ERAP2: variants seen among roughly 807,000 people sequenced by gnomAD.
ERAP2 encodes endoplasmic reticulum aminopeptidase 2, also known as leukocyte-derived arginine aminopeptidase.
A neutral mutation model predicts 111.1 loss-of-function variants in ERAP2; 118 were observed. The ratio of observed to expected loss-of-function variants is 1.06; its 90% CI spans 0.92 to 1.24. The LOEUF is 1.24. Among genes scored for constraint, ERAP2 ranks in the 50% most tolerant of loss-of-function variants. The pLI, the probability that ERAP2 is intolerant of heterozygous loss-of-function variation, is 0.00. For synonymous variants in ERAP2, 410 were observed against 401.2 expected (o/e 1.02, Z -0.26); for missense variants, 1,131 against 1,125.8 (o/e 1.00, Z -0.07).
In ERAP2 at chr5:96,912,203, A is replaced by G. The variant is rs1581908554; in HGVS notation, c.2355-434A>G. Among the ~76,000 whole-genome samples the G allele has an allele frequency of 2.8e-5, 4 of 140,946 alleles. 1 individual carries two copies. The South Asian group carries it at 9.0e-4, about 32-fold the overall frequency. 92.5% of individuals were successfully genotyped at this position (140,946 alleles called of 152,430 possible). ...GACTCCACCTCAAAAAAAAAAAAAA[A>G]AGAAAAGAAAAGAAAAAAATGCCTT... On this transcript the variant is annotated intron_variant, in intron 15 of 18. Transcript: ENST00000437043.
At chr5:96,885,883 G>T (rs1783668318) in intron 3 of ERAP2, among the ~76,000 whole-genome samples, 1 of 152,256 alleles carries the variant, frequency 6.6e-6, no homozygotes, top group African/African-American at 2.4e-5. Flanking sequence ...GATAGATGCA[G>T]CTGACGAGAC....
intron 17 of ERAP2, among the ~76,000 whole-genome samples, chr5:96,915,313 T>C (rs1388166102): frequency 2.0e-5 from 3 of 152,184 alleles, no homozygotes; most frequent in African/African-American, 7.2e-5. Flanking sequence ...CCAGCCCATA[T>C]AATTTATAAA....
At chr5:96,880,399 T>A in intron 2 of ERAP2, 139 bp downstream of exon 2, 2 of 783,022 alleles carry the variant, frequency 2.6e-6, no homozygotes, top group South Asian at 1.9e-5. Context: ...GGAAAAGATC[T>A]ACCATTCCTT....
chr5:96,898,572 CAA>C (rs770783071), intron 9 of ERAP2, among the ~76,000 whole-genome samples: 5 of 94,440 alleles, frequency 5.3e-5, no homozygotes, highest in Admixed American at 1.2e-4. Flanking sequence ...TACTAAAATA[CAA>C]AAAAAAAAAA....
rs1269519544 is a variant in ERAP2, at chr5:96,909,112, C to G, written c.2164C>G (p.Leu722Val). ...GAATATTTCAGATATCTCTGAAAAC[C>G]TCAAGGTTTGTGTTGCTTTTAGAAA... ...RRNISDISENLKRYLLQYFKP... is the reference protein window; with the variant it reads ...RRNISDISENVKRYLLQYFKP... The change falls in exon 14 of 19, where the codon CTC becomes GTC. Residue 722 changes from leucine to valine, a missense_variant. Physicochemically the swap from Leu to Val is conservative, Grantham distance 32 (BLOSUM62 1). Around this residue, in one of 3 missense-constraint regions of ERAP2, gnomAD observed 847 missense variants for 856.5 expected, o/e 0.99. Transcript: ENST00000437043. The G allele has an allele frequency of 1.5e-5, 25 of 1,613,888 alleles. No individual in the cohort carries two copies. Among genetic ancestry groups the G allele is most frequent in the Non-Finnish European group, 2.1e-5 (25 of 1,179,828 alleles).
intron 13 of ERAP2, among the ~76,000 whole-genome samples, chr5:96,905,864 AAAAC>A (rs1183924680): frequency 6.6e-6 from 1 of 152,206 alleles, no homozygotes. Context: ...TCTGTCTCAA[AAAAC>A]AAACAAACAA....
chr5:96,889,661 G>A (rs1469635967), intron 5 of ERAP2, among the ~76,000 whole-genome samples: 1 of 152,164 alleles, frequency 6.6e-6, no homozygotes, highest in Non-Finnish European at 1.5e-5. Context: ...TGACTGCTCT[G>A]TTCAAAATAG....
At position 96,901,494 on chromosome 5, in the gene ERAP2, C is replaced by T. The variant is rs765780021; in HGVS notation, c.1573-12C>T. On this transcript the variant is annotated splice_polypyrimidine_tract_variant and intron_variant, in intron 10 of 18. Coordinates refer to ENST00000437043, the MANE Select transcript of ERAP2 (RefSeq NM_022350.5). ...CTCTCTCTTGAGTTATCATAGTCACCTGTCATTTCAGCTCGCCTTTCTGGG... is the reference window on the plus strand; with the variant it reads ...CTCTCTCTTGAGTTATCATAGTCACTTGTCATTTCAGCTCGCCTTTCTGGG... 10 of 1,612,232 alleles carry T rather than the reference C, an allele frequency of 6.2e-6. No individual in the cohort carries two copies. The Admixed American group carries it at 8.3e-5, about 13-fold the overall frequency.
chr5:96,915,996 G>A (rs1012627891), intron 18 of ERAP2: 10 of 357,632 alleles, frequency 2.8e-5, no homozygotes, highest in Non-Finnish European at 3.5e-5. Context: ...GCCAAGGCAG[G>A]TAGATCATGG....
At chr5:96,881,486 A>T in intron 2 of ERAP2, 1 of 456,172 alleles carries the variant, frequency 2.2e-6, no homozygotes, top group Non-Finnish European at 4.4e-6. Flanking sequence ...GGGAGGTAAG[A>T]GGAGTCTGGC....
rs1262188175 is a variant in ERAP2 at position 96,901,572 on chromosome 5, A to T, written c.1639A>T (p.Ile547Phe). 2 of 1,614,000 alleles carry T rather than the reference A, an allele frequency of 1.2e-6. No homozygotes were observed. Among genetic ancestry groups the T allele is most frequent in the Non-Finnish European group, 1.7e-6 (2 of 1,179,986 alleles). Reference protein sequence around the residue: ...MMTTWTLQKGIPLLVVKQDGC... With the variant: ...MMTTWTLQKGFPLLVVKQDGC... Reference sequence around the variant, plus strand: ...GACTACATGGACTCTCCAGAAAGGAATCCCCCTGCTGGTGGTTAAACAAGA... The same window carrying T: ...GACTACATGGACTCTCCAGAAAGGATTCCCCCTGCTGGTGGTTAAACAAGA... Residue 547 changes from isoleucine (I) to phenylalanine (F), a missense_variant, in exon 11 of 19, where the codon ATC (isoleucine) becomes TTC (phenylalanine). This residue lies in a region of ERAP2 where 847 missense variants were observed against 856.5 expected (regional missense o/e 0.99). Coordinates refer to ENST00000437043, the MANE Select transcript of ERAP2 (RefSeq NM_022350.5).
chr5:96,907,291 AAAAAG>A (rs1263476860), intron 13 of ERAP2, among the ~76,000 whole-genome samples: 3 of 152,230 alleles, frequency 2.0e-5, no homozygotes, highest in African/African-American at 7.2e-5. Flanking sequence ...GTAACTATAT[AAAAAG>A]AAAAGGAGTC....
At position 96,883,853 on chromosome 5, in the gene ERAP2, GA is replaced by G. The variant is rs1340884880; in HGVS notation, c.639del (p.Glu213AspfsTer45). The G allele has an allele frequency of 6.2e-7, 1 of 1,613,700 alleles. No homozygotes were observed. Among genetic ancestry groups the G allele is most frequent in the East Asian group, 2.2e-5 (1 of 44,858 alleles). Reference sequence around the variant, plus strand: ...ACGCATGGCTTTCCCTTGCTTTGATGAACCGTTGTTCAAAGCCAACTTTTCA... The same window carrying G: ...ACGCATGGCTTTCCCTTGCTTTGATGACCGTTGTTCAAAGCCAACTTTTCA... ...QARMAFPCFD[E>X]PLFKANFSIK... On this transcript the variant is annotated frameshift_variant, in exon 3 of 19. Coordinates refer to ENST00000437043, the MANE Select transcript of ERAP2 (RefSeq NM_022350.5). LOFTEE classifies it high-confidence loss of function.
At chr5:96,891,104 G>T (rs895981274) in intron 5 of ERAP2, among the ~76,000 whole-genome samples, 2 of 152,094 alleles carry the variant, frequency 1.3e-5, no homozygotes, top group Non-Finnish European at 2.9e-5. Context: ...GTTTTTGATT[G>T]TGTTATGTAT....
intron 17 of ERAP2, 81 bp from the exon 18 acceptor site, chr5:96,915,607 C>A: frequency 1.4e-6 from 1 of 702,100 alleles, no homozygotes; most frequent in South Asian, 3.2e-5. Context: ...TATTAATATA[C>A]ATTAAAAATA....
chr5:96,906,279 G>C (rs913451088), intron 13 of ERAP2, among the ~76,000 whole-genome samples: 2 of 150,062 alleles, frequency 1.3e-5, no homozygotes, highest in Non-Finnish European at 3.0e-5. Context: ...TTCTTCAAGG[G>C]CTTTGCTCTT....
At chr5:96,901,789 A>G (rs1785498381) in intron 11 of ERAP2, 108 bp downstream of exon 11, 6 of 1,149,262 alleles carry the variant, frequency 5.2e-6, no homozygotes, top group Admixed American at 2.7e-5. Flanking sequence ...CTAGTTCCAT[A>G]TAAGAATCAA....
At chr5:96,910,915 T>C (rs114487858) in intron 15 of ERAP2, among the ~76,000 whole-genome samples, 1 of 152,334 alleles carries the variant, frequency 6.6e-6, no homozygotes, top group Non-Finnish European at 1.5e-5. Context: ...AAAACAACCA[T>C]GTGGCCTACC....
intron 13 of ERAP2, among the ~76,000 whole-genome samples, chr5:96,905,923 G>A (rs1786021350): frequency 6.8e-6 from 1 of 147,630 alleles, no homozygotes; most frequent in African/African-American, 2.5e-5. Flanking sequence ...AGTTTGGAGA[G>A]ATAATTTTTT....
Sources: gnomAD v4.1 joint callset for allele counts (sites outside exome capture counted in the v4.1 genomes callset) on GRCh38, gnomAD v4.1.1 for gene constraint, gnomAD v4.1.1 regional missense constraint, MANE v1.5 for transcripts, NCBI Gene and HGNC (gene_info 2026-07-23, HGNC 2026-07-21) for gene names.